MELK: variants seen among roughly 807,000 people sequenced by gnomAD.
MELK encodes the protein maternal embryonic leucine zipper kinase, also known as pEg3 kinase.
MELK carries 81 observed loss-of-function variants against 85.0 expected under a neutral mutation model. The ratio of observed to expected loss-of-function variants is 0.95; its 90% confidence interval spans 0.80 to 1.15. The LOEUF is 1.15. Ranked by LOEUF, MELK falls within the 50% of genes most tolerant of loss-of-function variation. MELK has a pLI of 0.00. For synonymous variants in MELK, 252 were observed against 265.0 expected (o/e 0.95, Z 0.48); for missense variants, 754 against 777.5 (o/e 0.97, Z 0.36).
chr9:36,675,014 G>T lies in MELK; in HGVS notation c.1778+77G>T. ...GAGAAAATAGGAGTTGGTTGGGCGC[G>T]GTGGCTCACGCCTGTAATCCCAGCA... On this transcript the variant is annotated intron_variant, in intron 17 of 17. Coordinates refer to ENST00000298048, the MANE Select transcript of MELK (RefSeq NM_014791.4). 4.9e-6 allele frequency: 5 copies of T among 1,022,660 alleles called. No individual in the cohort carries two copies. In the Admixed American group the frequency reaches 5.5e-5, roughly 11 times the overall value. The allele number at this position is 1,022,660 out of a possible 1,614,324, so 63.3% of individuals were successfully genotyped here. A position where few individuals can be genotyped will look rare whatever the true frequency, so the allele number is the denominator to read the frequency against.
chr9:36,599,684 A>G (rs956688483), intron 7 of MELK, among the ~76,000 whole-genome samples, 198 bp downstream of exon 7: 1 of 152,204 alleles, frequency 6.6e-6, no homozygotes, highest in African/African-American at 2.4e-5. Context: ...ATAGTAACAT[A>G]TACTTATGAA....
chr9:36,589,571 C>A lies in MELK; in HGVS notation c.180C>A (p.Ala60=). The A allele has an allele frequency of 6.2e-7, 1 of 1,614,016 alleles. No homozygotes were observed. The highest frequency in any genetic ancestry group is 8.5e-7 in the Non-Finnish European group (1 of 1,179,986). Residue 60 remains alanine, a synonymous_variant, in exon 4 of 18, where the codon GCC becomes GCA. Coordinates refer to ENST00000298048, the MANE Select transcript of MELK (RefSeq NM_014791.4). ...DLPRIKTEIE[A]LKNLRHQHIC... ...CCCGGATCAAAACGGAGATTGAGGC[C>A]TTGAAGAACCTGAGACATCAGCATA... is the stretch of plus-strand genomic sequence containing the variant.
chr9:36,587,551 G>A (rs1017115826), intron 3 of MELK, among the ~76,000 whole-genome samples: 2 of 151,170 alleles, frequency 1.3e-5, no homozygotes, highest in Admixed American at 6.6e-5. Flanking sequence ...TCCTGACCTC[G>A]TGATCCGCCT....
intron 15 of MELK, among the ~76,000 whole-genome samples, chr9:36,670,105 T>A (rs1215081481): frequency 6.6e-6 from 1 of 152,172 alleles, no homozygotes; most frequent in Non-Finnish European, 1.5e-5. Context: ...ACCACAGTAG[T>A]TTCTATTGAA....
intron 9 of MELK, among the ~76,000 whole-genome samples, chr9:36,631,536 G>C (rs888429856): frequency 3.3e-5 from 5 of 151,996 alleles, no homozygotes; most frequent in African/African-American, 1.2e-4. Context: ...AAAGTACTGG[G>C]ATTACAGGTG....
At chr9:36,574,625 C>T (rs1821454393) in intron 1 of MELK, among the ~76,000 whole-genome samples, 1 of 151,656 alleles carries the variant, frequency 6.6e-6, no homozygotes, top group African/African-American at 2.4e-5. Flanking sequence ...AGACAAAACC[C>T]AAAAAACCAT....
At chr9:36,639,017 G>A (rs1169564621) in intron 10 of MELK, among the ~76,000 whole-genome samples, 1 of 152,200 alleles carries the variant, frequency 6.6e-6, no homozygotes, top group African/African-American at 2.4e-5. Flanking sequence ...CTTATCTGGT[G>A]TCTGTTGAAG....
chr9:36,616,823 G>GTTT (rs11325318), intron 8 of MELK, among the ~76,000 whole-genome samples: 5 of 124,016 alleles, frequency 4.0e-5, no homozygotes, highest in Non-Finnish European at 3.4e-5. Context: ...CCCCTTCCCA[G>GTTT]TTTTTTTTTT....
chr9:36,610,005 G>T (rs1564156816), intron 8 of MELK, among the ~76,000 whole-genome samples: 1 of 152,146 alleles, frequency 6.6e-6, no homozygotes. Flanking sequence ...AGGAAGTGAG[G>T]TTTGAGCAGG....
rs77815649 is a variant in MELK at position 36,581,600 on chromosome 9, C to G, written c.-38-44C>G. 6,891 of 940,096 alleles carry G rather than the reference C, an allele frequency of 7.3e-3. 332 individuals carry two copies. The African/African-American group carries it at 0.1, about 14-fold the overall frequency. 58.2% of individuals were successfully genotyped at this position (940,096 alleles called of 1,614,324 possible). ...CAGTTACAAGAATGGAGGAGATGAT[C>G]CGGTATTATTTCCTTTATTGATTAT... On this transcript the variant is annotated intron_variant, in intron 1 of 17. Transcript: ENST00000298048.
rs189476843 is a variant in MELK at position 36,591,595 on chromosome 9, A to C, written c.261+1943A>C. ...TCTCAAAAAAGAAAAAGAATTGTTAAAATCTCCCAAGCATCCATGAACCTA... is the reference window on the plus strand; with the variant it reads ...TCTCAAAAAAGAAAAAGAATTGTTACAATCTCCCAAGCATCCATGAACCTA... On this transcript the variant is annotated intron_variant, in intron 4 of 17. Transcript: ENST00000298048. Among the ~76,000 whole-genome samples, 15 of 151,752 alleles carry C rather than the reference A, an allele frequency of 9.9e-5. No homozygotes were observed. The East Asian group carries it at 2.9e-3, about 30-fold the overall frequency.
At chr9:36,616,083 G>A (rs1826747009) in intron 8 of MELK, among the ~76,000 whole-genome samples, 1 of 152,146 alleles carries the variant, frequency 6.6e-6, no homozygotes. Context: ...CGCCGGCGCG[G>A]TGGCAAAGAA....
chr9:36,615,557 A>C (rs1226660526), intron 8 of MELK, among the ~76,000 whole-genome samples: 1 of 136,118 alleles, frequency 7.3e-6, no homozygotes, highest in Non-Finnish European at 1.5e-5. Flanking sequence ...CACTTCCCAG[A>C]TGGGGTGGCT....
chr9:36,594,517 T>C, intron 4 of MELK, 111 bp from the exon 5 acceptor site: 1 of 1,280,374 alleles, frequency 7.8e-7, no homozygotes, highest in Non-Finnish European at 1.1e-6. Flanking sequence ...TTCCATTCCC[T>C]ATAAAGTCGA....
At chr9:36,594,887 C>G (rs1824020946) in intron 5 of MELK, 116 bp downstream of exon 5, 2 of 1,183,552 alleles carry the variant, frequency 1.7e-6, no homozygotes, top group Non-Finnish European at 2.3e-6. Flanking sequence ...GTTGTTGTTG[C>G]TCCAGTCATA....
At chr9:36,635,466 G>A (rs1041337341) in intron 10 of MELK, among the ~76,000 whole-genome samples, 2 of 152,036 alleles carry the variant, frequency 1.3e-5, no homozygotes, top group African/African-American at 4.8e-5. Flanking sequence ...ATTTCACCAT[G>A]TTGGCCAGGC....
At chr9:36,578,061 C>A (rs977782205) in intron 1 of MELK, among the ~76,000 whole-genome samples, 1 of 152,220 alleles carries the variant, frequency 6.6e-6, no homozygotes, top group South Asian at 2.1e-4. Flanking sequence ...GCTGGGATTA[C>A]AGACATGAGC....
At chr9:36,644,155 T>C (rs1467417911) in intron 11 of MELK, among the ~76,000 whole-genome samples, 4 of 151,894 alleles carry the variant, frequency 2.6e-5, no homozygotes, top group Non-Finnish European at 5.9e-5. Context: ...TGATTTCTGG[T>C]GTTGGATTAT....
At position 36,608,136 on chromosome 9, in the gene MELK, C is replaced by T. The variant is rs537176973; in HGVS notation, c.666+463C>T. Among the ~76,000 whole-genome samples the T allele has an allele frequency of 4.6e-5, 7 of 151,700 alleles. No homozygotes were observed. In the East Asian group the frequency reaches 7.8e-4, roughly 17 times the overall value. The stretch of plus-strand genomic sequence containing the variant: ...TCTACTAAAAATACAAAAAATTAGC[C>T]GGGCATGGTGGCGGGTGCCTGTAGT... On this transcript the variant is annotated intron_variant, in intron 8 of 17. Coordinates refer to ENST00000298048, the MANE Select transcript of MELK (RefSeq NM_014791.4).
Sources: allele counts gnomAD v4.1 joint callset (sites outside exome capture counted in the v4.1 genomes callset), GRCh38; gene constraint gnomAD v4.1.1; transcripts MANE v1.5; gene names NCBI Gene and HGNC (gene_info 2026-07-23, HGNC 2026-07-21).